TIAM1: variants seen among roughly 807,000 people sequenced by gnomAD.
TIAM1 encodes rho guanine nucleotide exchange factor TIAM1.
In TIAM1, 65 loss-of-function variants were observed where a neutral mutation model predicts 163.5. The ratio of observed to expected loss-of-function variants is 0.40; its 90% CI spans 0.33 to 0.49. The LOEUF (loss-of-function observed/expected upper bound fraction) is 0.49. Ranked by LOEUF, TIAM1 falls within the 20% of genes least tolerant of loss-of-function variation. The pLI, the probability that TIAM1 is intolerant of heterozygous loss-of-function variation, is 0.77. For missense variants in TIAM1, 1,789 were observed against 2,044.7 expected (o/e 0.87, Z 2.41); for synonymous variants, 833 against 810.1 (o/e 1.03, Z -0.48).
chr21:31,310,830 C>A (rs1231554339), intron 2 of TIAM1, among the ~76,000 whole-genome samples: 4 of 152,176 alleles, frequency 2.6e-5, no homozygotes, highest in African/African-American at 9.7e-5. Flanking sequence ...AGAAGGATGG[C>A]ACTAACAACC....
At chr21:31,224,441 T>C (rs1273779454) in intron 7 of TIAM1, among the ~76,000 whole-genome samples, 1 of 152,174 alleles carries the variant, frequency 6.6e-6, no homozygotes, top group African/African-American at 2.4e-5. Flanking sequence ...ACCATGTGTA[T>C]CCACCTCCAA....
chr21:31,404,957 T>C (rs2147225996), intron 2 of TIAM1, among the ~76,000 whole-genome samples: 1 of 152,056 alleles, frequency 6.6e-6, no homozygotes, highest in East Asian at 1.9e-4. Context: ...AACTTGCAGA[T>C]ACAGGCCAGG....
intron 10 of TIAM1, among the ~76,000 whole-genome samples, chr21:31,211,900 A>G (rs1258620622): frequency 6.6e-6 from 1 of 152,264 alleles, no homozygotes; most frequent in East Asian, 1.9e-4. Flanking sequence ...AATGCTACAC[A>G]GAAATCCAAT....
chr21:31,121,409 T>C (rs2081997350), intron 27 of TIAM1, among the ~76,000 whole-genome samples: 1 of 152,184 alleles, frequency 6.6e-6, no homozygotes, highest in Non-Finnish European at 1.5e-5. Flanking sequence ...ACTTGTTTTC[T>C]GGGAACTGGA....
chr21:31,245,370 A>T, intron 6 of TIAM1, 118 bp downstream of exon 6: 1 of 649,472 alleles, frequency 1.5e-6, no homozygotes, highest in African/African-American at 2.3e-5. Context: ...TAATCTCACC[A>T]CTAAAAAAAA....
intron 12 of TIAM1, among the ~76,000 whole-genome samples, chr21:31,201,177 AATCT>A (rs1330746300): frequency 6.6e-6 from 1 of 152,306 alleles, no homozygotes; most frequent in South Asian, 2.1e-4. Context: ...CAAAATATAT[AATCT>A]AATAACTCTT....
At chr21:31,178,303 C>CTT (rs10671534) in intron 15 of TIAM1, among the ~76,000 whole-genome samples, 7,153 of 96,018 alleles carry the variant, frequency 0.074, 649 homozygotes, top group African/African-American at 0.11. Flanking sequence ...TTCAGGAATT[C>CTT]TTTTTTTTTT....
chr21:31,188,746 T>TA (rs2085414416), intron 13 of TIAM1, among the ~76,000 whole-genome samples: 1 of 152,028 alleles, frequency 6.6e-6, no homozygotes, highest in South Asian at 2.1e-4. Flanking sequence ...ACTGATTTTT[T>TA]AATTTTTTTT....
At chr21:31,495,980 G>T (rs896038028) in intron 1 of TIAM1, among the ~76,000 whole-genome samples, 4 of 150,994 alleles carry the variant, frequency 2.6e-5, no homozygotes, top group African/African-American at 9.8e-5. Flanking sequence ...AAAAAAAAAA[G>T]ATTACAATGG....
chr21:31,479,457 ATGG>A (rs2046042064), intron 1 of TIAM1, among the ~76,000 whole-genome samples: 1 of 151,704 alleles, frequency 6.6e-6, no homozygotes, highest in Non-Finnish European at 1.5e-5. Context: ...GGATGGATAG[ATGG>A]ATGGATGGAT....
chr21:31,202,665 G>A (rs1367902648), intron 12 of TIAM1, among the ~76,000 whole-genome samples: 2 of 152,206 alleles, frequency 1.3e-5, no homozygotes, highest in African/African-American at 4.8e-5. Flanking sequence ...TTCTATCTAA[G>A]AGATAGCTCT....
At chr21:31,517,904 C>A (rs1339351659) in intron 1 of TIAM1, among the ~76,000 whole-genome samples, 3 of 152,152 alleles carry the variant, frequency 2.0e-5, no homozygotes, top group African/African-American at 7.2e-5. Flanking sequence ...CTTCCTTAGC[C>A]CAAACCCCTC....
chr21:31,265,002 ATTTCTTTC>A (rs915083669), intron 4 of TIAM1, among the ~76,000 whole-genome samples: 5 of 151,822 alleles, frequency 3.3e-5, no homozygotes, highest in Non-Finnish European at 7.4e-5. Context: ...ATTACTCCAC[ATTTCTTTC>A]TTTCTTTCTT....
chr21:31,267,045 T>TA, intron 3 of TIAM1, 62 bp from the exon 4 acceptor site: 1 of 1,510,242 alleles, frequency 6.6e-7, no homozygotes, highest in Admixed American at 2.1e-5. Flanking sequence ...ATAGGCATCT[T>TA]AGAGAAAGCG....
intron 14 of TIAM1, among the ~76,000 whole-genome samples, chr21:31,186,580 G>A (rs868180728): frequency 3.3e-5 from 5 of 151,932 alleles, no homozygotes; most frequent in Middle Eastern, 3.4e-3. Context: ...AAGAACAGCC[G>A]GGGCAACACA....
At chr21:31,364,593 GT>G (rs1379556880) in intron 2 of TIAM1, among the ~76,000 whole-genome samples, 1 of 152,194 alleles carries the variant, frequency 6.6e-6, no homozygotes, top group Non-Finnish European at 1.5e-5. Flanking sequence ...TATAGGAATT[GT>G]TAATAAGAGT....
In TIAM1 at chr21:31,511,149, GCCCTGCAGAA is replaced by G. The variant is rs372375902; in HGVS notation, c.-421-47124_-421-47115del. 9.7e-4 allele frequency among the ~76,000 whole-genome samples: 147 copies of G among 152,298 alleles called. 1 individual carries two copies. The highest frequency in any genetic ancestry group is 3.5e-3 in the African/African-American group (146 of 41,564). On this transcript the variant is annotated intron_variant, in intron 1 of 28. Coordinates refer to the TIAM1 transcript ENST00000286827. Reference sequence around the variant, plus strand: ...GCGGGCACCCTGAGTCTGGGCTTGTGCCCTGCAGAACAACGAGAGAATAAACTTGTGTTGT... The same window carrying G: ...GCGGGCACCCTGAGTCTGGGCTTGTGCAACGAGAGAATAAACTTGTGTTGT...
intron 2 of TIAM1, among the ~76,000 whole-genome samples, chr21:31,402,667 C>G (rs906932289): frequency 6.6e-6 from 1 of 152,072 alleles, no homozygotes; most frequent in Non-Finnish European, 1.5e-5. Context: ...GACTAAAGGC[C>G]GGGCGTGGTG....
intron 2 of TIAM1, among the ~76,000 whole-genome samples, chr21:31,436,428 AC>A (rs1180284029): frequency 6.6e-6 from 1 of 152,120 alleles, no homozygotes; most frequent in Admixed American, 6.6e-5. Flanking sequence ...GCAGTTTGAG[AC>A]CAACCTGGCC....
Sources: allele counts gnomAD v4.1 joint callset (sites outside exome capture counted in the v4.1 genomes callset), GRCh38; gene constraint gnomAD v4.1.1; transcripts MANE v1.5; gene names NCBI Gene and HGNC (gene_info 2026-07-23, HGNC 2026-07-21).